Variants in LMX1A observed in about 807,000 individuals in gnomAD.
LMX1A encodes LIM homeobox transcription factor 1-alpha.
A neutral mutation model predicts 49.1 loss-of-function variants in LMX1A; 15 were observed. The observed-to-expected ratio is 0.31, with a 90% CI of 0.20 to 0.47. The LOEUF is 0.47. Ranked by LOEUF, LMX1A falls within the 20% of genes least tolerant of loss-of-function variation. The pLI is 1.00. For missense variants in LMX1A, 372 were observed against 475.8 expected (o/e 0.78, Z 2.03); for synonymous variants, 167 against 185.7 (o/e 0.90, Z 0.82).
chr1:165,321,636 T>C (rs1321264717), intron 3 of LMX1A, among the ~76,000 whole-genome samples: 2 of 152,202 alleles, frequency 1.3e-5, no homozygotes, highest in Non-Finnish European at 2.9e-5. Context: ...AAAGACCTAA[T>C]TGCAAGGGCA....
intron 3 of LMX1A, among the ~76,000 whole-genome samples, chr1:165,309,229 T>C (rs1655005884): frequency 6.6e-6 from 1 of 152,076 alleles, no homozygotes; most frequent in African/African-American, 2.4e-5. Context: ...CCCCAGCCCT[T>C]GGCACACGCT....
intron 4 of LMX1A, among the ~76,000 whole-genome samples, chr1:165,231,907 G>C (rs1457596571): frequency 6.6e-6 from 1 of 152,090 alleles, no homozygotes; most frequent in Non-Finnish European, 1.5e-5. Context: ...CTGGGAATTC[G>C]CCTATACAGA....
At chr1:165,287,284 A>G (rs1256121832) in intron 3 of LMX1A, among the ~76,000 whole-genome samples, 2 of 152,184 alleles carry the variant, frequency 1.3e-5, no homozygotes, top group Non-Finnish European at 2.9e-5. Flanking sequence ...TTCTCTTCAC[A>G]TGTGAGATAG....
intron 3 of LMX1A, among the ~76,000 whole-genome samples, chr1:165,317,612 T>C (rs1176741118): frequency 6.6e-6 from 1 of 152,172 alleles, no homozygotes; most frequent in Non-Finnish European, 1.5e-5. Context: ...AGCCTGATAA[T>C]AGAAGAGGAC....
intron 3 of LMX1A, among the ~76,000 whole-genome samples, chr1:165,287,889 T>C (rs1214971798): frequency 6.6e-6 from 1 of 152,230 alleles, no homozygotes; most frequent in Admixed American, 6.5e-5. Context: ...AATGCTGCTA[T>C]TGTGTAAATC....
At chr1:165,251,572 G>C (rs1415861794) in intron 3 of LMX1A, among the ~76,000 whole-genome samples, 4 of 152,148 alleles carry the variant, frequency 2.6e-5, no homozygotes, top group Non-Finnish European at 5.9e-5. Context: ...GGAAAGCATG[G>C]GGCATGGCTC....
chr1:165,318,625 C>T (rs555699972), intron 3 of LMX1A, among the ~76,000 whole-genome samples: 4 of 152,202 alleles, frequency 2.6e-5, no homozygotes, highest in African/African-American at 7.2e-5. Flanking sequence ...TAAGTGGAAG[C>T]CCCTGGGTGG....
intron 3 of LMX1A, among the ~76,000 whole-genome samples, chr1:165,310,693 G>C (rs1425505465): frequency 1.3e-5 from 2 of 152,184 alleles, no homozygotes; most frequent in Non-Finnish European, 2.9e-5. Context: ...ATCGCTTCAT[G>C]TTAGTGAATG....
At chr1:165,288,597 C>T (rs753474357) in intron 3 of LMX1A, among the ~76,000 whole-genome samples, 3 of 152,208 alleles carry the variant, frequency 2.0e-5, no homozygotes, top group Non-Finnish European at 4.4e-5. Context: ...CCCATGTCTC[C>T]TAGGTTACAG....
chr1:165,261,700 C>T (rs559891121), intron 3 of LMX1A, among the ~76,000 whole-genome samples: 2 of 152,200 alleles, frequency 1.3e-5, no homozygotes, highest in Admixed American at 6.5e-5. Flanking sequence ...GAATATTATT[C>T]AGCCTTAAAA....
In LMX1A at chr1:165,355,539, C is replaced by T; in HGVS notation, c.21G>A (p.Met7Ile). 6.2e-7 allele frequency: 1 copy of T among 1,613,884 alleles called. No homozygotes were observed. The highest frequency in any genetic ancestry group is 8.5e-7 in the Non-Finnish European group (1 of 1,179,958). MLDGLKMEENFQSAIDT... is the reference protein window; with the variant it reads MLDGLKIEENFQSAIDT... ...CGATCGCGCTTTGGAAGTTCTCCTCCATCTTTAGGCCGTCCAGCATGTTCG... is the reference window on the plus strand; with the variant it reads ...CGATCGCGCTTTGGAAGTTCTCCTCTATCTTTAGGCCGTCCAGCATGTTCG... The change falls in exon 2 of 9, where the codon ATG (methionine) becomes ATA (isoleucine). Residue 7 changes from methionine to isoleucine, a missense_variant. Met to Ile is a conservative substitution (Grantham distance 10). Transcript: ENST00000342310. This position sits in a 1 kb window ranked among gnomAD's most constrained non-coding sequence, Gnocchi z 4.7.
chr1:165,294,275 A>C (rs1654555665), intron 3 of LMX1A, among the ~76,000 whole-genome samples: 1 of 152,252 alleles, frequency 6.6e-6, no homozygotes, highest in Non-Finnish European at 1.5e-5. Flanking sequence ...ACTCACACAC[A>C]GTATTTTCAA....
intron 3 of LMX1A, among the ~76,000 whole-genome samples, chr1:165,283,157 C>A (rs1654202252): frequency 6.6e-6 from 1 of 152,160 alleles, no homozygotes; most frequent in African/African-American, 2.4e-5. Flanking sequence ...TTTACTGTAC[C>A]TTTTCTATGT....
chr1:165,289,278 C>A (rs1440852011), intron 3 of LMX1A, among the ~76,000 whole-genome samples: 3 of 151,292 alleles, frequency 2.0e-5, no homozygotes, highest in African/African-American at 7.3e-5. Flanking sequence ...GAGCCAGTTG[C>A]CTGGATATTC....
intron 8 of LMX1A, among the ~76,000 whole-genome samples, chr1:165,204,813 C>T (rs879362709): frequency 6.6e-6 from 1 of 152,108 alleles, no homozygotes; most frequent in Non-Finnish European, 1.5e-5. Flanking sequence ...CCCTGTTTTC[C>T]GATAGCTGTG....
intron 4 of LMX1A, among the ~76,000 whole-genome samples, chr1:165,242,467 C>CAAA (rs10624846): frequency 1.7e-4 from 22 of 132,316 alleles, no homozygotes; most frequent in East Asian, 6.8e-4. Context: ...CATAAAAAAG[C>CAAA]AAAAAAAAAA....
At chr1:165,320,337 G>C (rs752882683) in intron 3 of LMX1A, among the ~76,000 whole-genome samples, 3 of 152,190 alleles carry the variant, frequency 2.0e-5, no homozygotes, top group Non-Finnish European at 4.4e-5. Flanking sequence ...TCTTTGGTTT[G>C]CTGAGGTCTC....
chr1:165,226,940 C>T lies in LMX1A; in HGVS notation c.497-13127G>A, dbSNP rs1017584903. ...ATCTGTGAACAAGGCAGAGTCCCTG[C>T]CTTCATCACAGTCTGGTGGAGGAGA... On this transcript the variant is annotated intron_variant, in intron 4 of 8. Coordinates refer to ENST00000342310, the MANE Select transcript of LMX1A (RefSeq NM_177398.4). Among the ~76,000 whole-genome samples the T allele has an allele frequency of 1.1e-4, 16 of 152,158 alleles. 1 individual carries two copies. The South Asian group carries it at 1.2e-3, about 12-fold the overall frequency.
At chr1:165,307,955 C>T (rs1334717391) in intron 3 of LMX1A, among the ~76,000 whole-genome samples, 1 of 152,184 alleles carries the variant, frequency 6.6e-6, no homozygotes, top group Non-Finnish European at 1.5e-5. Flanking sequence ...GCTCCTCCCC[C>T]TTCCTCCTTG....
Sources: allele counts gnomAD v4.1 joint callset (sites outside exome capture counted in the v4.1 genomes callset), GRCh38; gene constraint gnomAD v4.1.1; non-coding constraint Gnocchi (gnomAD v3.1); transcripts MANE v1.5; gene names NCBI Gene and HGNC (gene_info 2026-07-23, HGNC 2026-07-21).